ROBO1: variants seen among roughly 807,000 people sequenced by gnomAD.
The protein encoded by ROBO1 is roundabout homolog 1.
Under a neutral mutation model 195.9 loss-of-function variants are expected in ROBO1, and 149 were observed. The observed-to-expected ratio is 0.76, with a 90% confidence interval of 0.67 to 0.87. ROBO1 has a LOEUF of 0.87. ROBO1 is among the 40% of genes least tolerant of loss of function. ROBO1 has a pLI of 0.00. For missense variants in ROBO1, 1,933 were observed against 2,068.3 expected, an observed-to-expected ratio of 0.93 and a Z score of 1.27; for synonymous variants, 816 against 733.2, an observed-to-expected ratio of 1.11 and a Z score of -1.82.
At chr3:79,541,709 G>C (rs559820282) in intron 2 of ROBO1, among the ~76,000 whole-genome samples, 1 of 151,612 alleles carries the variant, frequency 6.6e-6, no homozygotes, top group Admixed American at 6.6e-5. Context: ...ACATCTATAA[G>C]ATAGTTATAA....
chr3:78,927,312 C>T (rs556586548), intron 4 of ROBO1, among the ~76,000 whole-genome samples: 5 of 152,278 alleles, frequency 3.3e-5, no homozygotes, highest in Admixed American at 6.5e-5. Context: ...AAAGGAATCA[C>T]GAAGACAACC....
chr3:79,675,337 T>C (rs891047448), intron 1 of ROBO1, among the ~76,000 whole-genome samples: 1 of 152,042 alleles, frequency 6.6e-6, no homozygotes, highest in Admixed American at 6.6e-5. Flanking sequence ...TGTCTAAGAT[T>C]TGTTGAATCC....
intron 2 of ROBO1, among the ~76,000 whole-genome samples, chr3:79,136,997 A>G (rs1432260454): frequency 2.0e-5 from 3 of 152,136 alleles, no homozygotes; most frequent in East Asian, 3.8e-4. Flanking sequence ...TATTGAATAA[A>G]TTATTTTTAA....
At chr3:78,624,201 T>C (rs923667727) in intron 26 of ROBO1, among the ~76,000 whole-genome samples, 2 of 152,164 alleles carry the variant, frequency 1.3e-5, no homozygotes, top group African/African-American at 4.8e-5. Context: ...GAAGAAAGAT[T>C]GAAAGGATCT....
intron 2 of ROBO1, among the ~76,000 whole-genome samples, chr3:79,539,190 A>T (rs1326466793): frequency 6.6e-6 from 1 of 152,152 alleles, no homozygotes; most frequent in Non-Finnish European, 1.5e-5. Flanking sequence ...CAATATATTC[A>T]TGCAATCTGT....
At chr3:79,011,414 A>C (rs116186884) in intron 3 of ROBO1, among the ~76,000 whole-genome samples, 2 of 152,152 alleles carry the variant, frequency 1.3e-5, no homozygotes, top group Non-Finnish European at 2.9e-5. Context: ...TAAGTTGGAG[A>C]TCAAATTATG....
chr3:79,428,342 T>C (rs755613264), intron 2 of ROBO1, among the ~76,000 whole-genome samples: 25 of 152,104 alleles, frequency 1.6e-4, no homozygotes, highest in Non-Finnish European at 3.1e-4. Flanking sequence ...ATTCTAGTGT[T>C]AGCATCTACC....
At chr3:78,923,624 T>A (rs997289079) in intron 4 of ROBO1, among the ~76,000 whole-genome samples, 2 of 152,130 alleles carry the variant, frequency 1.3e-5, no homozygotes, top group African/African-American at 4.8e-5. Context: ...GAGGAAGAAG[T>A]GAGAAACTTC....
At chr3:78,884,393 T>G (rs1053967166) in intron 4 of ROBO1, among the ~76,000 whole-genome samples, 3 of 151,886 alleles carry the variant, frequency 2.0e-5, no homozygotes, top group African/African-American at 2.4e-5. Context: ...GGGAGGATTG[T>G]TTGAGCTCAA....
chr3:78,911,497 T>G (rs2038237034), intron 4 of ROBO1, among the ~76,000 whole-genome samples: 1 of 152,032 alleles, frequency 6.6e-6, no homozygotes, highest in Admixed American at 6.6e-5. Flanking sequence ...CTACCTCTTT[T>G]ATAGATATGA....
chr3:79,693,896 TATC>T (rs1947367526), intron 1 of ROBO1, among the ~76,000 whole-genome samples: 1 of 151,764 alleles, frequency 6.6e-6, no homozygotes, highest in African/African-American at 2.4e-5. Context: ...TTTAAATAAA[TATC>T]ATGAGAAGTG....
chr3:78,850,683 C>T lies in ROBO1; in HGVS notation c.499+87918G>A, dbSNP rs753360593. Among the ~76,000 whole-genome samples, 3 of 152,046 alleles carry T rather than the reference C, an allele frequency of 2.0e-5. No homozygotes were observed. The East Asian group carries it at 5.8e-4, about 29-fold the overall frequency. On this transcript the variant is annotated intron_variant, in intron 4 of 30. Transcript: ENST00000464233. Reference sequence around the variant, plus strand: ...GAGATAACCTCAAGATAGGAAGGCACGAGCACTGATGATAGTGGAGTACAA... The same window carrying T: ...GAGATAACCTCAAGATAGGAAGGCATGAGCACTGATGATAGTGGAGTACAA...
Position 79,410,410 on chromosome 3 carries a change from T to C in ROBO1, c.88+179414A>G, listed in dbSNP as rs552098200. Among the ~76,000 whole-genome samples the C allele has an allele frequency of 3.9e-5, 6 of 152,186 alleles. No individual in the cohort carries two copies. The South Asian group carries it at 1.2e-3, about 32-fold the overall frequency. On this transcript the variant is annotated intron_variant, in intron 2 of 30. Transcript: ENST00000464233. ...CCAAGGGGGACAAAGGTTTGGACTT[T>C]ATGGTAAAAATAAAAACAAAAATAA... is the stretch of plus-strand genomic sequence containing the variant.
intron 2 of ROBO1, among the ~76,000 whole-genome samples, chr3:79,477,148 G>A (rs977731132): frequency 6.6e-6 from 1 of 152,030 alleles, no homozygotes; most frequent in Non-Finnish European, 1.5e-5. Flanking sequence ...TACTACTGTG[G>A]TTTATTGTTA....
chr3:78,930,378 G>A (rs890051993), intron 4 of ROBO1, among the ~76,000 whole-genome samples: 5 of 152,184 alleles, frequency 3.3e-5, no homozygotes, highest in Non-Finnish European at 7.4e-5. Flanking sequence ...CAGACTGCAA[G>A]AGGCTAAACC....
At chr3:79,715,927 A>C (rs569808001) in intron 1 of ROBO1, among the ~76,000 whole-genome samples, 2 of 152,226 alleles carry the variant, frequency 1.3e-5, no homozygotes, top group East Asian at 3.9e-4. Flanking sequence ...CCACTAATGA[A>C]AATAACTCTA....
At chr3:78,889,937 C>T (rs557115407) in intron 4 of ROBO1, among the ~76,000 whole-genome samples, 3 of 152,114 alleles carry the variant, frequency 2.0e-5, no homozygotes, top group East Asian at 1.9e-4. Flanking sequence ...TCAAATTGTA[C>T]TCAAATGTCA....
intron 2 of ROBO1, among the ~76,000 whole-genome samples, chr3:79,383,651 T>C (rs565077318): frequency 2.6e-5 from 4 of 152,244 alleles, no homozygotes; most frequent in African/African-American, 7.2e-5. Flanking sequence ...TAACGTTTTT[T>C]ACTCACTATT....
intron 1 of ROBO1, among the ~76,000 whole-genome samples, chr3:79,728,792 T>C (rs911315787): frequency 2.0e-5 from 3 of 152,132 alleles, no homozygotes; most frequent in African/African-American, 7.2e-5. Context: ...TTAAAATTTC[T>C]TTATTAAGCC....
Sources: allele counts gnomAD v4.1 joint callset (sites outside exome capture counted in the v4.1 genomes callset), GRCh38; gene constraint gnomAD v4.1.1; transcripts MANE v1.5; gene names NCBI Gene and HGNC (gene_info 2026-07-23, HGNC 2026-07-21).